The following PTPRK variants were observed in gnomAD, a reference collection of about 807,000 sequenced individuals.
PTPRK encodes receptor-type tyrosine-protein phosphatase kappa.
A neutral mutation model predicts 178.0 loss-of-function variants in PTPRK; 75 were observed. That is an observed-to-expected ratio of 0.42 (90% CI 0.35 to 0.51). The LOEUF (loss-of-function observed/expected upper bound fraction) is 0.51, where lower values mean the gene tolerates loss of function less well. Among genes scored for constraint, PTPRK ranks in the 20% least tolerant of loss-of-function variants. The probability of loss-of-function intolerance (pLI) is 0.02; values close to 1 mark genes in which losing one functional copy is unlikely to be tolerated. For missense variants in PTPRK, 1,441 were observed against 1,797.8 expected (o/e 0.80, Z 3.59); for synonymous variants, 637 against 620.6 (o/e 1.03, Z -0.39).
chr6:128,042,233 T>C lies in PTPRK; in HGVS notation c.2194+22525A>G, dbSNP rs147739607. Among the ~76,000 whole-genome samples, 31 of 152,166 alleles carry C rather than the reference T, an allele frequency of 2.0e-4. 1 individual carries two copies. The East Asian group carries it at 5.2e-3, about 26-fold the overall frequency. Reference sequence around the variant, plus strand: ...TCATTTTCATGTTTTTAGATATCAATTACAGTAAGACCACACTTGCAGGTG... The same window carrying C: ...TCATTTTCATGTTTTTAGATATCAACTACAGTAAGACCACACTTGCAGGTG... On this transcript the variant is annotated intron_variant, in intron 13 of 29. Transcript: ENST00000368226.
chr6:128,026,473 T>G (rs1774324243), intron 13 of PTPRK, among the ~76,000 whole-genome samples: 1 of 152,190 alleles, frequency 6.6e-6, no homozygotes, highest in Non-Finnish European at 1.5e-5. Context: ...GGACAAGTTA[T>G]CTGCTTTTTT....
At position 128,082,537 on chromosome 6, in the gene PTPRK, C is replaced by T. The variant is rs759411376; in HGVS notation, c.1677G>A (p.Met559Ile). ...GGTACGTGGTTCCAGGGTGGAGATG[C>T]ATAAAGACATGGTGTGTACTGTTCC... Reference protein sequence around the residue: ...NLWNSTHHVFMHLHPGTTYQF... With the variant: ...NLWNSTHHVFIHLHPGTTYQF... Residue 559 changes from methionine (M) to isoleucine (I), a missense_variant, in exon 10 of 30, where the codon ATG becomes ATA. Around this residue, in one of 4 missense-constraint regions of PTPRK, gnomAD observed 945 missense variants for 1,080.6 expected, o/e 0.87. Transcript: ENST00000368226. The T allele has an allele frequency of 8.7e-6, 14 of 1,612,544 alleles. No homozygotes were observed. The Admixed American group carries it at 2.3e-4, about 27-fold the overall frequency.
At chr6:128,279,563 C>T (rs1002117696) in intron 3 of PTPRK, among the ~76,000 whole-genome samples, 1 of 152,230 alleles carries the variant, frequency 6.6e-6, no homozygotes, top group Non-Finnish European at 1.5e-5. Flanking sequence ...ATACTCCAGA[C>T]GTTAACCAAA....
chr6:128,057,610 G>T (rs558371102), intron 13 of PTPRK, among the ~76,000 whole-genome samples: 2 of 152,108 alleles, frequency 1.3e-5, no homozygotes, highest in Non-Finnish European at 2.9e-5. Context: ...AGCATGTCCT[G>T]TGTGATTCCA....
intron 13 of PTPRK, among the ~76,000 whole-genome samples, chr6:128,022,340 G>A (rs1773648794): frequency 6.6e-6 from 1 of 152,030 alleles, no homozygotes; most frequent in African/African-American, 2.4e-5. Context: ...GGGACAGAGG[G>A]GTGCTTGTTT....
chr6:128,462,488 C>A (rs767024131), intron 1 of PTPRK, among the ~76,000 whole-genome samples: 3 of 151,866 alleles, frequency 2.0e-5, no homozygotes, highest in Non-Finnish European at 4.4e-5. Flanking sequence ...TTCAGACTAC[C>A]CACATTTTAA....
chr6:128,305,639 G>T (rs1322218248), intron 3 of PTPRK, among the ~76,000 whole-genome samples: 1 of 152,118 alleles, frequency 6.6e-6, no homozygotes, highest in Non-Finnish European at 1.5e-5. Context: ...GTTGAAAATT[G>T]GATCTTCAGA....
intron 7 of PTPRK, among the ~76,000 whole-genome samples, chr6:128,138,803 T>G (rs1254857996): frequency 6.6e-6 from 1 of 152,082 alleles, no homozygotes; most frequent in Admixed American, 6.6e-5. Context: ...AGTGGCAGAA[T>G]AGGAGATAAA....
intron 1 of PTPRK, among the ~76,000 whole-genome samples, chr6:128,405,333 G>A (rs920296585): frequency 1.6e-4 from 24 of 151,992 alleles, no homozygotes; most frequent in African/African-American, 3.4e-4. Flanking sequence ...AATTTTGTTC[G>A]GACTATTTTT....
At chr6:128,302,541 T>G (rs1018138309) in intron 3 of PTPRK, among the ~76,000 whole-genome samples, 22 of 151,802 alleles carry the variant, frequency 1.4e-4, no homozygotes, top group African/African-American at 5.1e-4. Context: ...AGTCAATAAA[T>G]CTTTTAAATT....
rs547188334 is a variant in PTPRK, at chr6:128,411,907, T to C, written c.101-14219A>G. Among the ~76,000 whole-genome samples, 3 of 152,318 alleles carry C rather than the reference T, an allele frequency of 2.0e-5. No homozygotes were observed. In the South Asian group the frequency reaches 6.2e-4, roughly 32 times the overall value. On this transcript the variant is annotated intron_variant, in intron 1 of 29. Transcript: ENST00000368226. ...AATTTATTGATGATATTTGGAAAAG[T>C]CACCTCTTTTTGAAAATTTGCAGTC...
intron 3 of PTPRK, among the ~76,000 whole-genome samples, chr6:128,251,459 G>A (rs961326359): frequency 1.4e-4 from 22 of 152,198 alleles, no homozygotes; most frequent in African/African-American, 4.6e-4. Flanking sequence ...TCCTTAAGAT[G>A]TCCTGAGATT....
At chr6:128,467,141 A>C (rs189621769) in intron 1 of PTPRK, among the ~76,000 whole-genome samples, 1 of 152,254 alleles carries the variant, frequency 6.6e-6, no homozygotes, top group Admixed American at 6.5e-5. Context: ...CTGTGACTAC[A>C]GGTGAGCACC....
intron 1 of PTPRK, among the ~76,000 whole-genome samples, chr6:128,498,162 C>A (rs1052989834): frequency 6.6e-6 from 1 of 152,092 alleles, no homozygotes; most frequent in African/African-American, 2.4e-5. Context: ...GTTAAAAAGA[C>A]AAATCACAGC....
intron 2 of PTPRK, among the ~76,000 whole-genome samples, chr6:128,338,767 G>A (rs1237476849): frequency 6.6e-6 from 1 of 152,128 alleles, no homozygotes; most frequent in Non-Finnish European, 1.5e-5. Context: ...TTGGTCACCT[G>A]TTGATGTCCT....
chr6:128,372,299 A>G (rs527551704), intron 2 of PTPRK, among the ~76,000 whole-genome samples: 40 of 152,338 alleles, frequency 2.6e-4, no homozygotes, highest in African/African-American at 9.1e-4. Flanking sequence ...AAATGGTGAT[A>G]AAAATAAATT....
chr6:128,395,997 CT>C (rs1301649412), intron 2 of PTPRK, among the ~76,000 whole-genome samples: 1 of 151,888 alleles, frequency 6.6e-6, no homozygotes, highest in Non-Finnish European at 1.5e-5. Context: ...AGAAATGTAA[CT>C]TTTAGGTTTT....
chr6:128,377,697 A>C (rs937015366), intron 2 of PTPRK, among the ~76,000 whole-genome samples: 1 of 152,090 alleles, frequency 6.6e-6, no homozygotes, highest in Non-Finnish European at 1.5e-5. Flanking sequence ...TCATTAAAGC[A>C]AGAAGCAACC....
At chr6:128,270,281 C>T (rs1305144685) in intron 3 of PTPRK, among the ~76,000 whole-genome samples, 8 of 152,032 alleles carry the variant, frequency 5.3e-5, no homozygotes, top group Admixed American at 5.2e-4. Context: ...TATTCTAAGT[C>T]CTCTCCTAGG....
Sources: allele counts gnomAD v4.1 joint callset (sites outside exome capture counted in the v4.1 genomes callset), GRCh38; gene constraint gnomAD v4.1.1; regional missense constraint gnomAD v4.1.1; transcripts MANE v1.5; gene names NCBI Gene and HGNC (gene_info 2026-07-23, HGNC 2026-07-21).